ST3GAL3: variants seen among roughly 807,000 people sequenced by gnomAD.
ST3GAL3 encodes CMP-N-acetylneuraminate-beta-1,4-galactoside alpha-2,3-sialyltransferase.
Under a neutral mutation model 50.1 loss-of-function variants are expected in ST3GAL3, and 21 were observed. That is an observed-to-expected ratio of 0.42 (90% CI 0.30 to 0.60). The LOEUF is 0.60. Among genes scored for constraint, ST3GAL3 ranks in the 20% least tolerant of loss-of-function variants. The pLI is 0.19. For synonymous variants in ST3GAL3, 183 were observed against 190.0 expected, an observed-to-expected ratio of 0.96 and a Z score of 0.30; for missense variants, 353 against 489.4, an observed-to-expected ratio of 0.72 and a Z score of 2.63.
chr1:43,911,903 T>C (rs1016090000), intron 9 of ST3GAL3: 11 of 152,204 alleles, frequency 7.2e-5, no homozygotes, highest in Admixed American at 4.6e-4. Context: ...TTGCCCAGGC[T>C]GGTCTCAAAC....
chr1:43,862,185 G>A (rs986025638), intron 5 of ST3GAL3, among the ~76,000 whole-genome samples: 5 of 152,178 alleles, frequency 3.3e-5, no homozygotes, highest in Admixed American at 1.3e-4. Flanking sequence ...CACTCAGCTT[G>A]GCCAGCTGTC....
At chr1:43,851,331 A>G in intron 5 of ST3GAL3, 1 of 1,521,364 alleles carries the variant, frequency 6.6e-7, no homozygotes, top group Non-Finnish European at 9.1e-7. Context: ...CCCATGATGC[A>G]CCCATGGGTT....
At chr1:43,787,504 C>T (rs1258909830) in intron 2 of ST3GAL3, among the ~76,000 whole-genome samples, 1 of 152,228 alleles carries the variant, frequency 6.6e-6, no homozygotes, top group African/African-American at 2.4e-5. Context: ...CTTTAATGCT[C>T]ACAGCAGATT....
At chr1:43,808,037 C>T (rs2060103424) in intron 3 of ST3GAL3, among the ~76,000 whole-genome samples, 1 of 152,014 alleles carries the variant, frequency 6.6e-6, no homozygotes, top group South Asian at 2.1e-4. Context: ...GGCACAGCAG[C>T]TCACACCTGT....
intron 3 of ST3GAL3, 48 bp downstream of exon 3, chr1:43,792,197 C>A: frequency 6.2e-7 from 1 of 1,611,580 alleles, no homozygotes; most frequent in Non-Finnish European, 8.5e-7. Context: ...CAATATTAGC[C>A]ATATTTTTTG....
intron 1 of ST3GAL3, among the ~76,000 whole-genome samples, chr1:43,725,990 C>A (rs1467583398): frequency 6.6e-6 from 1 of 152,088 alleles, no homozygotes; most frequent in African/African-American, 2.4e-5. Flanking sequence ...AAGCATTTCT[C>A]TATACCATTA....
At chr1:43,766,085 G>A (rs895101832) in intron 2 of ST3GAL3, among the ~76,000 whole-genome samples, 1 of 152,142 alleles carries the variant, frequency 6.6e-6, no homozygotes, top group Non-Finnish European at 1.5e-5. Flanking sequence ...AAATCCAGTG[G>A]AGGAAATTAC....
rs1296624427 is a variant in ST3GAL3 at position 43,926,793 on chromosome 1, G to A, written c.1039-3339G>A. Among the ~76,000 whole-genome samples the A allele has an allele frequency of 2.0e-5, 3 of 152,096 alleles. No homozygotes were observed. In the East Asian group the frequency reaches 5.8e-4, roughly 30 times the overall value. ...GAATTAGGAAAAGAGCACCAGAGAG[G>A]TGGCATTGCCGGATCCAAGAGAGCT... On this transcript the variant is annotated intron_variant, in intron 11 of 11. Coordinates refer to ENST00000347631, the MANE Select transcript of ST3GAL3 (RefSeq NM_006279.5).
At chr1:43,891,991 T>G (rs570641588) in intron 5 of ST3GAL3, among the ~76,000 whole-genome samples, 1 of 152,358 alleles carries the variant, frequency 6.6e-6, no homozygotes, top group African/African-American at 2.4e-5. Context: ...TCGCCCAGGC[T>G]GTAGTGCAGT....
intron 4 of ST3GAL3, among the ~76,000 whole-genome samples, chr1:43,825,764 G>T (rs1047502743): frequency 3.3e-5 from 5 of 152,296 alleles, no homozygotes; most frequent in African/African-American, 1.2e-4. Flanking sequence ...AAGGAAATTT[G>T]ATTAGAGAGG....
chr1:43,783,814 A>G (rs917294), intron 2 of ST3GAL3, among the ~76,000 whole-genome samples: 99,728 of 151,940 alleles, frequency 0.66, 34,500 homozygotes, highest in Non-Finnish European at 0.78. Flanking sequence ...GTCCCTGTGA[A>G]CGCTGTTGCC....
intron 5 of ST3GAL3, chr1:43,850,849 G>C: frequency 8.3e-7 from 1 of 1,205,346 alleles, no homozygotes; most frequent in Non-Finnish European, 1.2e-6. Context: ...GGACCTCCCT[G>C]AAGGCCAGGG....
At chr1:43,842,221 CT>C (rs771862650) in intron 5 of ST3GAL3, 6 of 152,222 alleles carry the variant, frequency 3.9e-5, no homozygotes, top group Non-Finnish European at 8.8e-5. Context: ...ATCTTCCTGT[CT>C]TCTTGTGAGC....
intron 5 of ST3GAL3, among the ~76,000 whole-genome samples, chr1:43,881,239 G>A (rs1230179146): frequency 2.0e-5 from 3 of 152,186 alleles, no homozygotes; most frequent in African/African-American, 7.2e-5. Context: ...TTGAACTCCC[G>A]ACCTCAGGTG....
chr1:43,801,391 G>A (rs1237976774), intron 3 of ST3GAL3: 4 of 456,108 alleles, frequency 8.8e-6, no homozygotes, highest in South Asian at 1.5e-5. Flanking sequence ...ATGTACAACC[G>A]TATTCCTTGA....
intron 1 of ST3GAL3, among the ~76,000 whole-genome samples, chr1:43,733,953 CA>C (rs1424123500): frequency 6.6e-6 from 1 of 151,992 alleles, no homozygotes; most frequent in East Asian, 1.9e-4. Flanking sequence ...ATTAAAAATA[CA>C]AAAAAATCAG....
chr1:43,797,047 G>A (rs1402874456), intron 3 of ST3GAL3, among the ~76,000 whole-genome samples: 1 of 152,240 alleles, frequency 6.6e-6, no homozygotes, highest in East Asian at 1.9e-4. Context: ...TATTAGCCAG[G>A]CATGGTGGCA....
At chr1:43,771,178 A>T (rs1168578088) in intron 2 of ST3GAL3, among the ~76,000 whole-genome samples, 1 of 152,238 alleles carries the variant, frequency 6.6e-6, no homozygotes, top group Non-Finnish European at 1.5e-5. Flanking sequence ...GGCAATAAAC[A>T]TGCTTATTGA....
At chr1:43,905,292 T>C (rs2079131683) in intron 9 of ST3GAL3, among the ~76,000 whole-genome samples, 1 of 132,828 alleles carries the variant, frequency 7.5e-6, no homozygotes. Flanking sequence ...TGCCTCCTTC[T>C]GCTCCTCTTC....
Sources: allele counts gnomAD v4.1 joint callset (sites outside exome capture counted in the v4.1 genomes callset), GRCh38; gene constraint gnomAD v4.1.1; transcripts MANE v1.5; gene names NCBI Gene and HGNC (gene_info 2026-07-23, HGNC 2026-07-21).